TLN2: variants seen among roughly 807,000 people sequenced by gnomAD.
TLN2 encodes the protein talin-2.
TLN2 carries 118 observed loss-of-function variants against 294.7 expected under a neutral mutation model. The ratio of observed to expected loss-of-function variants is 0.40; its 90% CI spans 0.34 to 0.47. The LOEUF is 0.47. TLN2 is among the 20% of genes least tolerant of loss of function. The probability of loss-of-function intolerance (pLI) is 0.84; values close to 1 mark genes in which losing one functional copy is unlikely to be tolerated. For missense variants in TLN2, 3,083 were observed against 3,282.2 expected, an observed-to-expected ratio of 0.94 and a Z score of 1.48; for synonymous variants, 1,431 against 1,304.5, an observed-to-expected ratio of 1.10 and a Z score of -2.09.
intron 2 of TLN2, among the ~76,000 whole-genome samples, chr15:62,596,550 C>T (rs2140761365): frequency 6.6e-6 from 1 of 152,014 alleles, no homozygotes; most frequent in Admixed American, 6.5e-5. Context: ...CCAGCCTGGC[C>T]AACATGGCAA....
At chr15:62,522,951 C>A (rs542528140) in intron 1 of TLN2, among the ~76,000 whole-genome samples, 2 of 131,044 alleles carry the variant, frequency 1.5e-5, no homozygotes, top group Admixed American at 7.5e-5. Context: ...TACACACACA[C>A]ACACACACAC....
chr15:62,771,319 T>C (rs185706839), intron 42 of TLN2, among the ~76,000 whole-genome samples, 185 bp downstream of exon 42: 216 of 152,326 alleles, frequency 1.4e-3, no homozygotes, highest in Non-Finnish European at 2.0e-3. Flanking sequence ...TGAAGAAATA[T>C]ACATAAAAGT....
At position 62,697,797 on chromosome 15, in the gene TLN2, G is replaced by C. The variant is rs200753658; in HGVS notation, c.1402G>C (p.Val468Leu). 1.9e-6 allele frequency: 3 copies of C among 1,612,592 alleles called. No individual in the cohort carries two copies. The highest frequency in any genetic ancestry group is 2.5e-6 in the Non-Finnish European group (3 of 1,179,688). ...CTCCAGCGGGCCTGAGACCTTCAAC[G>C]TTGGCAGCATGCCCTCGCCACAGCA... ...SGSSGPETFN[V>L]GSMPSPQQQV... Residue 468 changes from valine to leucine, a missense_variant, in exon 15 of 59, where the codon GTT becomes CTT. Physicochemically the swap from Val to Leu is conservative, Grantham distance 32. Coordinates refer to ENST00000636159, the MANE Select transcript of TLN2 (RefSeq NM_015059.3).
At chr15:62,531,689 T>G (rs2041052456) in intron 1 of TLN2, among the ~76,000 whole-genome samples, 2 of 152,254 alleles carry the variant, frequency 1.3e-5, no homozygotes. Context: ...GAATTTAAAA[T>G]AAAACATTTT....
rs1232507986 is a variant in TLN2 at position 62,750,561 on chromosome 15, C to T, written c.4209+70C>T. On this transcript the variant is annotated intron_variant, in intron 34 of 58. Coordinates refer to ENST00000636159, the MANE Select transcript of TLN2 (RefSeq NM_015059.3). ...AATGTGGGGAGAAGTTTAGACGTGCCTTCTGTGCATCTGCCTGTGGCTGGT... is the reference window on the plus strand; with the variant it reads ...AATGTGGGGAGAAGTTTAGACGTGCTTTCTGTGCATCTGCCTGTGGCTGGT... The T allele has an allele frequency of 2.2e-6, 3 of 1,334,292 alleles. No homozygotes were observed. In the African/African-American group the frequency reaches 4.3e-5, roughly 19 times the overall value. 82.7% of individuals were successfully genotyped at this position (1,334,292 alleles called of 1,614,324 possible). A position where few individuals can be genotyped will look rare whatever the true frequency, so the allele number is the denominator to read the frequency against.
At chr15:62,453,469 A>G (rs1431100849) in intron 1 of TLN2, 2 of 152,180 alleles carry the variant, frequency 1.3e-5, no homozygotes, top group African/African-American at 4.8e-5. Context: ...GACTGCTAGC[A>G]GGGACTGAGG....
At chr15:62,577,692 TA>T (rs201316856) in intron 1 of TLN2, among the ~76,000 whole-genome samples, 2,788 of 152,238 alleles carry the variant, frequency 0.018, 41 homozygotes, top group African/African-American at 0.04. Context: ...ATTTAACTTA[TA>T]AAAATTTTTT....
intron 1 of TLN2, among the ~76,000 whole-genome samples, chr15:62,435,534 T>A (rs2035243682): frequency 6.6e-6 from 1 of 152,196 alleles, no homozygotes. Context: ...ATTTGATTTT[T>A]AAAATTATTT....
chr15:62,689,546 T>TTC (rs2057596623), intron 12 of TLN2, among the ~76,000 whole-genome samples: 1 of 152,146 alleles, frequency 6.6e-6, no homozygotes. Context: ...TTCCTTTAGC[T>TTC]ATTTGTTAAG....
At chr15:62,684,508 G>C (rs1356475592) in intron 11 of TLN2, among the ~76,000 whole-genome samples, 3 of 152,160 alleles carry the variant, frequency 2.0e-5, no homozygotes, top group Non-Finnish European at 2.9e-5. Flanking sequence ...TTGAGGTTCA[G>C]GGAGGAATAT....
intron 2 of TLN2, among the ~76,000 whole-genome samples, chr15:62,594,331 C>A (rs2140750507): frequency 6.6e-6 from 1 of 152,328 alleles, no homozygotes; most frequent in South Asian, 2.1e-4. Flanking sequence ...CTGCAGCCTC[C>A]TGAGTAGCTA....
intron 1 of TLN2, among the ~76,000 whole-genome samples, chr15:62,468,748 AAAAAAATAAAAAT>A (rs2037287175): frequency 1.7e-5 from 2 of 116,882 alleles, no homozygotes; most frequent in Admixed American, 2.1e-4. Context: ...CTGTCTCAAA[AAAAAAATAAAAAT>A]AAAAAAAATA....
At chr15:62,534,753 C>A (rs979731819) in intron 1 of TLN2, among the ~76,000 whole-genome samples, 1 of 152,166 alleles carries the variant, frequency 6.6e-6, no homozygotes, top group African/African-American at 2.4e-5. Flanking sequence ...GGCCCCTAGT[C>A]ATCAGTCATC....
chr15:62,813,900 C>A (rs1333785557), intron 52 of TLN2, among the ~76,000 whole-genome samples: 1 of 151,934 alleles, frequency 6.6e-6, no homozygotes, highest in Non-Finnish European at 1.5e-5. Context: ...CTGTAACCTC[C>A]GCCTCCCGGG....
At chr15:62,776,957 A>G (rs774134907) in intron 43 of TLN2, 47 bp downstream of exon 43, 8 of 1,392,674 alleles carry the variant, frequency 5.7e-6, no homozygotes, top group East Asian at 5.4e-5. Context: ...TCCCTCACCC[A>G]TGGGCCTCGC....
intron 46 of TLN2, among the ~76,000 whole-genome samples, chr15:62,793,601 GT>G (rs1169854943): frequency 6.6e-6 from 1 of 152,096 alleles, no homozygotes. Context: ...TCCCCAGGCA[GT>G]TTTCCCCAGT....
intron 14 of TLN2, among the ~76,000 whole-genome samples, chr15:62,695,330 A>C (rs1481485002): frequency 1.3e-5 from 2 of 152,200 alleles, no homozygotes; most frequent in African/African-American, 4.8e-5. Context: ...CGCAGGAAGA[A>C]GTGGAAGGTC....
At chr15:62,501,765 C>T (rs1486610512) in intron 1 of TLN2, among the ~76,000 whole-genome samples, 2 of 152,204 alleles carry the variant, frequency 1.3e-5, no homozygotes. Flanking sequence ...ATTGCATGCT[C>T]TGACTAATGA....
chr15:62,576,830 T>C (rs2044460993), intron 1 of TLN2, among the ~76,000 whole-genome samples: 1 of 152,072 alleles, frequency 6.6e-6, no homozygotes, highest in African/African-American at 2.4e-5. Context: ...AGGGAAACAC[T>C]GAGAACATAA....
Sources: allele counts gnomAD v4.1 joint callset (sites outside exome capture counted in the v4.1 genomes callset), GRCh38; gene constraint gnomAD v4.1.1; transcripts MANE v1.5; gene names NCBI Gene and HGNC (gene_info 2026-07-23, HGNC 2026-07-21).